SLC9A9: variants seen among roughly 807,000 people sequenced by gnomAD.
The protein encoded by SLC9A9 is sodium/hydrogen exchanger 9.
Under a neutral mutation model 77.8 loss-of-function variants are expected in SLC9A9, and 62 were observed. The observed-to-expected ratio is 0.80, with a 90% CI of 0.65 to 0.98. The LOEUF is 0.98. Ranked by LOEUF, SLC9A9 falls within the 50% of genes least tolerant of loss-of-function variation. The pLI is 0.00. For synonymous variants in SLC9A9, 320 were observed against 283.5 expected (o/e 1.13, Z -1.29); for missense variants, 775 against 774.9 (o/e 1.00, Z 0.00).
At chr3:143,723,710 C>A (rs1001840465) in intron 4 of SLC9A9, among the ~76,000 whole-genome samples, 4 of 152,148 alleles carry the variant, frequency 2.6e-5, no homozygotes, top group Admixed American at 2.0e-4. Context: ...CTTGAAGGAG[C>A]ATGGTCAGGG....
intron 14 of SLC9A9, among the ~76,000 whole-genome samples, chr3:143,327,028 A>G (rs577404797): frequency 2.0e-5 from 3 of 152,194 alleles, no homozygotes; most frequent in Non-Finnish European, 4.4e-5. Context: ...AAGCCTTCTT[A>G]GGATAATTCC....
intron 12 of SLC9A9, among the ~76,000 whole-genome samples, chr3:143,412,898 G>A (rs975912024): frequency 5.3e-5 from 8 of 152,276 alleles, no homozygotes; most frequent in East Asian, 3.9e-4. Context: ...ATGGCAAGCA[G>A]TTACACTGGA....
chr3:143,435,016 C>T (rs1028012205), intron 12 of SLC9A9, among the ~76,000 whole-genome samples: 1 of 152,186 alleles, frequency 6.6e-6, no homozygotes, highest in African/African-American at 2.4e-5. Flanking sequence ...AGGCAGGGCT[C>T]TCACGCCCCG....
chr3:143,414,875 T>C (rs1007726266), intron 12 of SLC9A9, among the ~76,000 whole-genome samples: 1 of 152,230 alleles, frequency 6.6e-6, no homozygotes, highest in Non-Finnish European at 1.5e-5. Context: ...CAAGGTAGGC[T>C]GAGAGCTAGG....
chr3:143,269,143 T>G (rs898153445), intron 14 of SLC9A9, among the ~76,000 whole-genome samples, 163 bp from the exon 15 acceptor site: 2 of 152,250 alleles, frequency 1.3e-5, no homozygotes, highest in African/African-American at 4.8e-5. Flanking sequence ...TTATAATCTT[T>G]GTTACACATA....
chr3:143,581,778 C>T (rs1223208746), intron 6 of SLC9A9, among the ~76,000 whole-genome samples: 1 of 152,134 alleles, frequency 6.6e-6, no homozygotes. Flanking sequence ...CGGGATGGAA[C>T]ATGGGCAGCA....
intron 12 of SLC9A9, 121 bp from the exon 13 acceptor site, chr3:143,382,235 A>G (rs2033322180): frequency 9.8e-7 from 1 of 1,018,800 alleles, no homozygotes; most frequent in South Asian, 1.3e-5. Context: ...GCAGAAAACT[A>G]TCCTACGTCT....
At chr3:143,605,900 T>C (rs1190526443) in intron 6 of SLC9A9, among the ~76,000 whole-genome samples, 1 of 152,170 alleles carries the variant, frequency 6.6e-6, no homozygotes, top group Non-Finnish European at 1.5e-5. Context: ...ATTATAACAA[T>C]GTTTTAAACA....
Position 143,266,277 on chromosome 3 carries a change from G to T in SLC9A9, c.*425C>A. 1 of 593,424 alleles carries T rather than the reference G, an allele frequency of 1.7e-6. No homozygotes were observed. Among genetic ancestry groups the T allele is most frequent in the South Asian group, 2.1e-5 (1 of 47,860 alleles). The allele number at this position is 593,424 out of a possible 1,614,324, so 36.8% of individuals were successfully genotyped here. On this transcript the variant is annotated 3_prime_UTR_variant, in exon 16 of 16. Coordinates refer to ENST00000316549, the MANE Select transcript of SLC9A9 (RefSeq NM_173653.4). ...TAGCTGGGCATTCCCTTCAGCTTAG[G>T]AGCAAAATGTTTACTCTCAGAAGCT...
chr3:143,337,545 T>C (rs2031967392), intron 14 of SLC9A9, among the ~76,000 whole-genome samples: 1 of 152,202 alleles, frequency 6.6e-6, no homozygotes, highest in Non-Finnish European at 1.5e-5. Flanking sequence ...CTGTGGACTT[T>C]CCCAGAGCTT....
At chr3:143,496,717 G>A (rs1251202835) in intron 9 of SLC9A9, among the ~76,000 whole-genome samples, 2 of 152,210 alleles carry the variant, frequency 1.3e-5, no homozygotes, top group Non-Finnish European at 2.9e-5. Flanking sequence ...CAGGAAAAAT[G>A]TAGGGGACAG....
At chr3:143,327,600 C>T (rs1030045356) in intron 14 of SLC9A9, among the ~76,000 whole-genome samples, 2 of 152,148 alleles carry the variant, frequency 1.3e-5, no homozygotes, top group Admixed American at 1.3e-4. Flanking sequence ...TACTCTTAGC[C>T]CTCTCCCCTT....
chr3:143,644,766 T>C (rs2038677110), intron 6 of SLC9A9, among the ~76,000 whole-genome samples: 1 of 136,036 alleles, frequency 7.4e-6, no homozygotes, highest in South Asian at 2.3e-4. Flanking sequence ...AGCCATAACT[T>C]TTTTTTTTTT....
At chr3:143,826,002 T>C (rs1277305297) in intron 2 of SLC9A9, among the ~76,000 whole-genome samples, 1 of 152,176 alleles carries the variant, frequency 6.6e-6, no homozygotes, top group African/African-American at 2.4e-5. Context: ...CTCACACCTA[T>C]AATCCCAGCA....
chr3:143,411,603 C>T (rs2034097279), intron 12 of SLC9A9, among the ~76,000 whole-genome samples: 1 of 152,132 alleles, frequency 6.6e-6, no homozygotes, highest in South Asian at 2.1e-4. Context: ...TCAGAAATAT[C>T]ATTCTTAGTT....
At chr3:143,636,721 A>AT (rs2038528736) in intron 6 of SLC9A9, among the ~76,000 whole-genome samples, 1 of 152,234 alleles carries the variant, frequency 6.6e-6, no homozygotes. Context: ...GAATAAACAG[A>AT]AGTGCAAAGC....
At chr3:143,777,162 C>T (rs1042160593) in intron 4 of SLC9A9, among the ~76,000 whole-genome samples, 5 of 152,104 alleles carry the variant, frequency 3.3e-5, no homozygotes, top group African/African-American at 7.2e-5. Flanking sequence ...AATGAAACCC[C>T]GTTTTACTGG....
At chr3:143,457,522 TC>T (rs2035115411) in intron 12 of SLC9A9, among the ~76,000 whole-genome samples, 1 of 152,184 alleles carries the variant, frequency 6.6e-6, no homozygotes, top group South Asian at 2.1e-4. Flanking sequence ...TAGTTCACTC[TC>T]TCAATGTTCT....
rs576986081 is a variant in SLC9A9 at position 143,284,545 on chromosome 3, C to T, written c.1605-15565G>A. ...TTCCCTCATTTATATCCCACTACTA[C>T]CGTAGTGGCCATGGGTGGGAAGTAT... On this transcript the variant is annotated intron_variant, in intron 14 of 15. Coordinates refer to ENST00000316549, the MANE Select transcript of SLC9A9 (RefSeq NM_173653.4). Among the ~76,000 whole-genome samples, 705 of 151,874 alleles carry T rather than the reference C, an allele frequency of 4.6e-3. 2 individuals carry two copies. Among genetic ancestry groups the T allele is most frequent in the Non-Finnish European group, 7.7e-3 (525 of 67,962 alleles).
Sources: gnomAD v4.1 joint callset for allele counts (sites outside exome capture counted in the v4.1 genomes callset) on GRCh38, gnomAD v4.1.1 for gene constraint, MANE v1.5 for transcripts, NCBI Gene and HGNC (gene_info 2026-07-23, HGNC 2026-07-21) for gene names.